MCC: variants seen among roughly 807,000 people sequenced by gnomAD.
MCC encodes the protein MCC regulator of Wnt signaling pathway.
In MCC, 90 loss-of-function variants were observed where a neutral mutation model predicts 116.2. The observed-to-expected ratio is 0.77, with a 90% CI of 0.65 to 0.92. The LOEUF (loss-of-function observed/expected upper bound fraction) is 0.92. MCC is among the 40% of genes least tolerant of loss of function. MCC has a pLI of 0.00. For synonymous variants in MCC, 578 were observed against 510.5 expected, an observed-to-expected ratio of 1.13 and a Z score of -1.78; for missense variants, 1,516 against 1,312.2, an observed-to-expected ratio of 1.16 and a Z score of -2.40.
chr5:113,039,240 C>T (rs978802934), intron 17 of MCC, among the ~76,000 whole-genome samples: 9 of 152,154 alleles, frequency 5.9e-5, no homozygotes, highest in African/African-American at 1.9e-4. Flanking sequence ...TTTTTAAAGA[C>T]GAGATCTCGC....
chr5:113,370,489 C>T (rs1000544083), intron 2 of MCC, among the ~76,000 whole-genome samples: 7 of 152,242 alleles, frequency 4.6e-5, no homozygotes, highest in African/African-American at 1.7e-4. Flanking sequence ...CATTTCTGTT[C>T]CCAGCATTCA....
chr5:113,061,147 GC>G (rs1753188678), intron 14 of MCC, among the ~76,000 whole-genome samples: 1 of 152,204 alleles, frequency 6.6e-6, no homozygotes, highest in South Asian at 2.1e-4. Flanking sequence ...AGAGTGAGTG[GC>G]CACACAGGCA....
chr5:113,487,065 A>T (rs1772551815), intron 1 of MCC, among the ~76,000 whole-genome samples: 3 of 152,186 alleles, frequency 2.0e-5, no homozygotes, highest in Admixed American at 2.0e-4. Flanking sequence ...AAGTTTTCTG[A>T]TATCTTCCTA....
At chr5:113,414,771 A>T (rs140209360) in intron 1 of MCC, among the ~76,000 whole-genome samples, 4,725 of 152,160 alleles carry the variant, frequency 0.031, 236 homozygotes, top group African/African-American at 0.11. Context: ...CTTACATTTA[A>T]GGTTAATATT....
chr5:113,135,373 T>C (rs1361515116), intron 5 of MCC, among the ~76,000 whole-genome samples: 8 of 131,954 alleles, frequency 6.1e-5, no homozygotes, highest in African/African-American at 2.2e-4. Flanking sequence ...GCTAACGTGG[T>C]GAAACACCGT....
intron 17 of MCC, among the ~76,000 whole-genome samples, chr5:113,034,321 G>A (rs1268748464): frequency 1.3e-5 from 2 of 152,258 alleles, no homozygotes; most frequent in South Asian, 2.1e-4. Context: ...TGGCTTGCCA[G>A]TACGCTGGGC....
chr5:113,151,738 C>G (rs1426139077), intron 3 of MCC, among the ~76,000 whole-genome samples: 1 of 152,148 alleles, frequency 6.6e-6, no homozygotes, highest in African/African-American at 2.4e-5. Context: ...ATGAGCCTGA[C>G]AGCTGAAGTG....
At chr5:113,028,365 T>C (rs1750719238) in intron 18 of MCC, among the ~76,000 whole-genome samples, 1 of 139,004 alleles carries the variant, frequency 7.2e-6, no homozygotes, top group Non-Finnish European at 1.6e-5. Flanking sequence ...GAAAATAGTT[T>C]TTCATAAAAA....
intron 3 of MCC, among the ~76,000 whole-genome samples, chr5:113,225,558 C>T (rs1763700933): frequency 6.6e-6 from 1 of 152,222 alleles, no homozygotes; most frequent in African/African-American, 2.4e-5. Context: ...CTCACACCCT[C>T]ATACAGCCTG....
intron 3 of MCC, 49 bp downstream of exon 3, chr5:113,340,470 G>C: frequency 6.7e-7 from 1 of 1,482,968 alleles, no homozygotes; most frequent in Non-Finnish European, 9.4e-7. Context: ...ATTTGTATTG[G>C]AATACAGACA....
At position 113,478,055 on chromosome 5, in the gene MCC, A is replaced by T. The variant is rs184238574; in HGVS notation, c.170+10190T>A. Among the ~76,000 whole-genome samples, 79 of 152,352 alleles carry T rather than the reference A, an allele frequency of 5.2e-4. 1 individual carries two copies. Among genetic ancestry groups the T allele is most frequent in the African/African-American group, 1.8e-3 (74 of 41,578 alleles). ...TGGAACTTCTAGAGGTGAAAAATAC[A>T]GTACGAATACAATATGAAAAATGCA... On this transcript the variant is annotated intron_variant, in intron 1 of 18. Transcript: ENST00000408903.
intron 14 of MCC, 29 bp downstream of exon 14, chr5:113,063,955 C>G (rs774529474): frequency 1.9e-6 from 3 of 1,590,820 alleles, no homozygotes; most frequent in Non-Finnish European, 2.6e-6. Flanking sequence ...GGACACACGC[C>G]CACCCCAGAG....
chr5:113,073,538 C>T (rs564668263), intron 11 of MCC, among the ~76,000 whole-genome samples: 11 of 152,364 alleles, frequency 7.2e-5, no homozygotes, highest in African/African-American at 2.4e-4. Context: ...TCTGCCACCT[C>T]GTCTCATGTA....
At chr5:113,289,752 C>G (rs1047103606) in intron 3 of MCC, among the ~76,000 whole-genome samples, 1 of 152,192 alleles carries the variant, frequency 6.6e-6, no homozygotes, top group South Asian at 2.1e-4. Flanking sequence ...GTCACTGACA[C>G]AAGTCTTCCC....
chr5:113,256,304 A>C (rs534135238), intron 3 of MCC, among the ~76,000 whole-genome samples: 73 of 152,190 alleles, frequency 4.8e-4, no homozygotes, highest in Non-Finnish European at 9.6e-4. Flanking sequence ...AACAATATTA[A>C]ATGAGTATCT....
In MCC at chr5:113,263,701, C is replaced by T. The variant is rs200539911; in HGVS notation, c.627+76818G>A. ...GTAATTTTATTGCAGGGAATCCACT[C>T]GGAAAAGTAAAAGCTGTAATATAGC... On this transcript the variant is annotated intron_variant, in intron 3 of 18. Transcript: ENST00000408903. Among the ~76,000 whole-genome samples the T allele has an allele frequency of 3.9e-5, 6 of 152,110 alleles. No homozygotes were observed. In the East Asian group the frequency reaches 7.7e-4, roughly 20 times the overall value.
intron 3 of MCC, among the ~76,000 whole-genome samples, chr5:113,200,646 A>G (rs935874630): frequency 1.3e-5 from 2 of 152,234 alleles, no homozygotes; most frequent in Non-Finnish European, 2.9e-5. Context: ...TGAGAAACAT[A>G]TGGAAATGTC....
At chr5:113,143,165 A>G (rs1759280607) in intron 5 of MCC, 53 bp downstream of exon 5, 1 of 1,522,258 alleles carries the variant, frequency 6.6e-7, no homozygotes, top group South Asian at 1.3e-5. Flanking sequence ...TTCAGCTCCA[A>G]GATGGAGGGT....
At chr5:113,313,466 G>A (rs1465849383) in intron 3 of MCC, among the ~76,000 whole-genome samples, 1 of 152,176 alleles carries the variant, frequency 6.6e-6, no homozygotes, top group East Asian at 1.9e-4. Context: ...CTCCTATTCT[G>A]GCCCGAGAGT....
Sources: allele counts gnomAD v4.1 joint callset (sites outside exome capture counted in the v4.1 genomes callset), GRCh38; gene constraint gnomAD v4.1.1; transcripts MANE v1.5; gene names NCBI Gene and HGNC (gene_info 2026-07-23, HGNC 2026-07-21).